Variants in TFDP2 observed in about 807,000 individuals in gnomAD.
The protein encoded by TFDP2 is transcription factor Dp-2 (E2F dimerization partner 2).
In TFDP2, 17 loss-of-function variants were observed where a neutral mutation model predicts 59.3. The ratio of observed to expected loss-of-function variants is 0.29; its 90% CI spans 0.20 to 0.43. TFDP2 has a LOEUF of 0.43. Ranked by LOEUF, TFDP2 falls within the 20% of genes least tolerant of loss-of-function variation. The pLI is 1.00. For synonymous variants in TFDP2, 180 were observed against 194.7 expected, an observed-to-expected ratio of 0.92 and a Z score of 0.63; for missense variants, 391 against 528.8, an observed-to-expected ratio of 0.74 and a Z score of 2.56.
chr3:142,049,036 A>G (rs554804413), intron 3 of TFDP2, among the ~76,000 whole-genome samples: 1 of 152,354 alleles, frequency 6.6e-6, no homozygotes, highest in South Asian at 2.1e-4. Flanking sequence ...GGCATATAGC[A>G]CTCAAAACAC....
At chr3:142,134,743 C>T (rs2062656189) in intron 1 of TFDP2, among the ~76,000 whole-genome samples, 1 of 152,010 alleles carries the variant, frequency 6.6e-6, no homozygotes, top group Non-Finnish European at 1.5e-5. Flanking sequence ...AATATTAACA[C>T]ATAGATAGGT....
chr3:142,014,167 A>C (rs1944941961), intron 3 of TFDP2, among the ~76,000 whole-genome samples: 2 of 152,204 alleles, frequency 1.3e-5, no homozygotes, highest in African/African-American at 4.8e-5. Context: ...GTTTTGAGAC[A>C]GGATCTTGCT....
At chr3:141,957,280 G>A (rs748484515) in intron 11 of TFDP2, among the ~76,000 whole-genome samples, 10 of 152,154 alleles carry the variant, frequency 6.6e-5, no homozygotes, top group African/African-American at 1.4e-4. Context: ...TTACGTCACC[G>A]CACTCCAGCT....
chr3:142,016,713 T>C (rs908059176), intron 3 of TFDP2, among the ~76,000 whole-genome samples: 7 of 152,236 alleles, frequency 4.6e-5, no homozygotes, highest in African/African-American at 1.7e-4. Context: ...AAAATATTGC[T>C]ACTAGAAAAT....
chr3:142,141,077 G>C (rs1219479058), intron 1 of TFDP2, among the ~76,000 whole-genome samples: 1 of 152,120 alleles, frequency 6.6e-6, no homozygotes, highest in East Asian at 1.9e-4. Flanking sequence ...CAGCAATGGC[G>C]GACACCCCTC....
intron 3 of TFDP2, among the ~76,000 whole-genome samples, chr3:142,014,625 C>T (rs1366426167): frequency 1.3e-5 from 2 of 152,110 alleles, no homozygotes; most frequent in African/African-American, 4.8e-5. Context: ...ACACCATCTT[C>T]TTGCTTTTCT....
chr3:142,030,977 C>A (rs538168207), intron 3 of TFDP2, among the ~76,000 whole-genome samples: 36 of 151,754 alleles, frequency 2.4e-4, no homozygotes, highest in South Asian at 1.7e-3. Flanking sequence ...CTCCTGACCT[C>A]GTGATCCGCC....
intron 3 of TFDP2, among the ~76,000 whole-genome samples, chr3:142,037,140 A>C (rs751186779): frequency 6.6e-6 from 1 of 152,238 alleles, no homozygotes; most frequent in African/African-American, 2.4e-5. Context: ...AACATGATAA[A>C]TTCTTAATAA....
intron 11 of TFDP2, among the ~76,000 whole-genome samples, chr3:141,955,130 A>G (rs1274142039): frequency 6.6e-6 from 1 of 152,170 alleles, no homozygotes. Context: ...GAACACAGCT[A>G]TTTACTTGTT....
At chr3:142,000,334 A>G (rs548017961) in intron 4 of TFDP2, 1 of 702,668 alleles carries the variant, frequency 1.4e-6, no homozygotes, top group Admixed American at 2.0e-5. Flanking sequence ...TGCTTCAAAG[A>G]TGATGCCTTC....
chr3:142,039,903 A>G (rs1302956280), intron 3 of TFDP2, among the ~76,000 whole-genome samples: 2 of 152,180 alleles, frequency 1.3e-5, no homozygotes, highest in Admixed American at 6.5e-5. Flanking sequence ...AGGTAACAGC[A>G]GCCCAAGTAC....
intron 1 of TFDP2, among the ~76,000 whole-genome samples, chr3:142,137,750 GC>G (rs2062788975): frequency 6.6e-6 from 1 of 152,126 alleles, no homozygotes; most frequent in Non-Finnish European, 1.5e-5. Context: ...TGTTGGATAA[GC>G]TTTTTCATGT....
At chr3:141,969,165 CATAT>C (rs765506404) in intron 9 of TFDP2, among the ~76,000 whole-genome samples, 84 of 41,124 alleles carry the variant, frequency 2.0e-3, no homozygotes, top group Middle Eastern at 0.016. Context: ...ATATATATAA[CATAT>C]ATATATATCT....
chr3:141,971,410 G>T (rs1424789466), intron 8 of TFDP2, among the ~76,000 whole-genome samples: 1 of 150,748 alleles, frequency 6.6e-6, no homozygotes, highest in African/African-American at 2.4e-5. Context: ...TTAGCCAGGC[G>T]TGTTGGCAGG....
At chr3:142,058,636 T>C (rs1439561003) in intron 3 of TFDP2, among the ~76,000 whole-genome samples, 1 of 152,110 alleles carries the variant, frequency 6.6e-6, no homozygotes, top group Non-Finnish European at 1.5e-5. Context: ...TTTAAAAGGC[T>C]ACTACAACTC....
intron 1 of TFDP2, among the ~76,000 whole-genome samples, chr3:142,106,502 A>C (rs1174825599): frequency 6.6e-6 from 1 of 152,226 alleles, no homozygotes; most frequent in African/African-American, 2.4e-5. Context: ...GTATGACTTA[A>C]ACTTTCCAAA....
chr3:142,139,103 C>T (rs1169156091), intron 1 of TFDP2, among the ~76,000 whole-genome samples: 2 of 152,098 alleles, frequency 1.3e-5, no homozygotes, highest in African/African-American at 4.8e-5. Context: ...TGAATTGATC[C>T]CTGTACCACT....
intron 3 of TFDP2, among the ~76,000 whole-genome samples, chr3:142,008,090 C>T (rs560389565): frequency 2.0e-4 from 30 of 152,186 alleles, no homozygotes; most frequent in African/African-American, 6.7e-4. Flanking sequence ...ACTGGCTGTC[C>T]GGTGGAATCA....
rs572633428 is a variant in TFDP2 at position 142,045,241 on chromosome 3, C to T, written c.83-39697G>A. ...CGATCACGATCTCGGCCCATTGCAA[C>T]CTCTGCCTCCCGGGTTCAAGTGATT... On this transcript the variant is annotated intron_variant, in intron 3 of 12. Coordinates refer to ENST00000489671, the MANE Select transcript of TFDP2 (RefSeq NM_001178139.2). Among the ~76,000 whole-genome samples the T allele has an allele frequency of 1.9e-4, 29 of 151,160 alleles. No homozygotes were observed. In the South Asian group the frequency reaches 5.8e-3, roughly 30 times the overall value.
Sources: allele counts gnomAD v4.1 joint callset (sites outside exome capture counted in the v4.1 genomes callset), GRCh38; gene constraint gnomAD v4.1.1; transcripts MANE v1.5; gene names NCBI Gene and HGNC (gene_info 2026-07-23, HGNC 2026-07-21).